The following ADIPOR2 variants were observed in gnomAD, a reference collection of about 807,000 sequenced individuals.
The protein encoded by ADIPOR2 is adiponectin receptor 2.
Under a neutral mutation model 40.9 loss-of-function variants are expected in ADIPOR2, and 18 were observed. That is an observed-to-expected ratio of 0.44 (90% CI 0.30 to 0.65). The LOEUF is 0.65. ADIPOR2 is among the 30% of genes least tolerant of loss of function. The probability of loss-of-function intolerance (pLI) is 0.09; values close to 1 mark genes in which losing one functional copy is unlikely to be tolerated. For synonymous variants in ADIPOR2, 165 were observed against 166.4 expected (o/e 0.99, Z 0.06); for missense variants, 283 against 479.2 (o/e 0.59, Z 3.82).
At chr12:1,704,785 A>G (rs2154441532) in intron 1 of ADIPOR2, among the ~76,000 whole-genome samples, 1 of 152,252 alleles carries the variant, frequency 6.6e-6, no homozygotes, top group South Asian at 2.1e-4. Flanking sequence ...TTAGTCTAAG[A>G]AGTGTTGCTG....
At chr12:1,782,334 A>G (rs1212352942) in intron 6 of ADIPOR2, among the ~76,000 whole-genome samples, 1 of 152,256 alleles carries the variant, frequency 6.6e-6, no homozygotes, top group Admixed American at 6.5e-5. Context: ...TAATGTCCAA[A>G]GCAAGTAATA....
intron 1 of ADIPOR2, among the ~76,000 whole-genome samples, chr12:1,748,512 T>C (rs986794131): frequency 1.3e-5 from 2 of 152,112 alleles, no homozygotes; most frequent in African/African-American, 4.8e-5. Context: ...CCTCCCAAAG[T>C]GCTGGGATTA....
At position 1,781,517 on chromosome 12, in the gene ADIPOR2, C is replaced by T. The variant is rs571405496; in HGVS notation, c.838+441C>T. ...GGATAATCTGCTTAAGGCTTCACCC[C>T]CATGCTGATTATGTTTTGTTAAAGT... On this transcript the variant is annotated intron_variant, in intron 6 of 7. Coordinates refer to ENST00000357103, the MANE Select transcript of ADIPOR2 (RefSeq NM_024551.3). Among the ~76,000 whole-genome samples, 153 of 152,016 alleles carry T rather than the reference C, an allele frequency of 1.0e-3. 1 individual carries two copies. Among genetic ancestry groups the T allele is most frequent in the African/African-American group, 3.5e-3 (147 of 41,472 alleles).
intron 1 of ADIPOR2, among the ~76,000 whole-genome samples, chr12:1,726,937 C>G (rs1418296241): frequency 1.3e-5 from 2 of 152,152 alleles, no homozygotes; most frequent in Non-Finnish European, 2.9e-5. Context: ...AAGGAAAAAC[C>G]CTGAGTCGTC....
At chr12:1,728,441 G>A (rs550287525) in intron 1 of ADIPOR2, among the ~76,000 whole-genome samples, 9 of 151,918 alleles carry the variant, frequency 5.9e-5, no homozygotes, top group South Asian at 2.1e-4. Context: ...ATGTTAACAC[G>A]GCTGGGCGCA....
chr12:1,695,465 C>T (rs1592565585), intron 1 of ADIPOR2, among the ~76,000 whole-genome samples: 1 of 151,430 alleles, frequency 6.6e-6, no homozygotes, highest in Non-Finnish European at 1.5e-5. Context: ...ACCAGCCTGG[C>T]CAACATGAAT....
chr12:1,760,481 C>T (rs1409108216), intron 2 of ADIPOR2, among the ~76,000 whole-genome samples: 2 of 152,148 alleles, frequency 1.3e-5, no homozygotes, highest in Non-Finnish European at 2.9e-5. Context: ...CCATCACTTC[C>T]CATCTCTACC....
rs1862823205 is a variant in ADIPOR2, at chr12:1,785,951, C to T, written c.1040C>T (p.Ser347Phe). 2 of 1,613,998 alleles carry T rather than the reference C, an allele frequency of 1.2e-6. No homozygotes were observed. Among genetic ancestry groups the T allele is most frequent in the Admixed American group, 1.7e-5 (1 of 59,998 alleles). ...TTCTTTTTTCCCCTCCAGTTTCACT[C>T]TCATCAGCTGTTTCATATCTTTGTG... ...FPGKCDIWFH[S>F]HQLFHIFVVA... Residue 347 changes from serine to phenylalanine, a missense_variant, in exon 8 of 8, where the codon TCT becomes TTT. Physicochemically the swap from Ser to Phe is radical, Grantham distance 155. This residue lies in a region of ADIPOR2 where 106 missense variants were observed against 149.7 expected (regional missense o/e 0.71). Transcript: ENST00000357103.
At position 1,782,960 on chromosome 12, in the gene ADIPOR2, T is replaced by TTTTC. The variant is rs1357821805; in HGVS notation, c.839-904_839-901dup. Among the ~76,000 whole-genome samples, 217 of 144,272 alleles carry TTTTC rather than the reference T, an allele frequency of 1.5e-3. 1 individual carries two copies. The highest frequency in any genetic ancestry group is 0.01 in the Admixed American group (143 of 14,152). 94.6% of individuals were successfully genotyped at this position (144,272 alleles called of 152,430 possible). The stretch of plus-strand genomic sequence containing the variant: ...TTTCTTCTTTTTTCTTTTCTTTTCT[T>TTTTC]TTTCTTTCTTTCTTTCTTTTTTTTT... On this transcript the variant is annotated intron_variant, in intron 6 of 7. Coordinates refer to ENST00000357103, the MANE Select transcript of ADIPOR2 (RefSeq NM_024551.3).
intron 4 of ADIPOR2, 52 bp from the exon 5 acceptor site, chr12:1,780,399 T>C: frequency 6.8e-7 from 1 of 1,469,654 alleles, no homozygotes; most frequent in East Asian, 2.4e-5. Context: ...GTTATAATAC[T>C]GTCTCTTCTA....
intron 2 of ADIPOR2, among the ~76,000 whole-genome samples, chr12:1,764,872 A>G (rs1862344877): frequency 6.6e-6 from 1 of 152,132 alleles, no homozygotes; most frequent in African/African-American, 2.4e-5. Flanking sequence ...ATAGCTGTAG[A>G]TTATTCATTT....
At chr12:1,766,394 TAGTA>T (rs1479991724) in intron 2 of ADIPOR2, among the ~76,000 whole-genome samples, 4 of 152,192 alleles carry the variant, frequency 2.6e-5, no homozygotes, top group African/African-American at 9.7e-5. Context: ...GAGGATGTGG[TAGTA>T]AGTAAGACAA....
In ADIPOR2 at chr12:1,756,998, CTTAGAAGATATATTGAGGAGTCAG is replaced by C. The variant is rs575969659; in HGVS notation, c.171+2486_171+2509del. On this transcript the variant is annotated intron_variant, in intron 2 of 7. Transcript: ENST00000357103. ...GAGATTCAAGATTCTTGTTAGATAT[CTTAGAAGATATATTGAGGAGTCAG>C]TAACTGTGTCACGATTAGATTTTTA... 5.3e-5 allele frequency among the ~76,000 whole-genome samples: 8 copies of C among 152,150 alleles called. No individual in the cohort carries two copies. The East Asian group carries it at 1.2e-3, about 22-fold the overall frequency.
intron 2 of ADIPOR2, among the ~76,000 whole-genome samples, chr12:1,772,153 T>C (rs1443938545): frequency 6.6e-6 from 1 of 152,230 alleles, no homozygotes; most frequent in Non-Finnish European, 1.5e-5. Flanking sequence ...CCATACCAGA[T>C]TGTCACTTCT....
chr12:1,710,060 A>C (rs2094673077), intron 1 of ADIPOR2, among the ~76,000 whole-genome samples: 1 of 152,194 alleles, frequency 6.6e-6, no homozygotes, highest in South Asian at 2.1e-4. Flanking sequence ...AAAATGCGCC[A>C]ATCAGCACTC....
At chr12:1,725,780 C>T (rs1357789518) in intron 1 of ADIPOR2, among the ~76,000 whole-genome samples, 3 of 151,914 alleles carry the variant, frequency 2.0e-5, no homozygotes, top group East Asian at 1.9e-4. Flanking sequence ...ATAAAGCCTA[C>T]GTTAATGCAT....
At chr12:1,781,245 A>T (rs1862713070) in intron 6 of ADIPOR2, among the ~76,000 whole-genome samples, 169 bp downstream of exon 6, 1 of 152,122 alleles carries the variant, frequency 6.6e-6, no homozygotes, top group Non-Finnish European at 1.5e-5. Context: ...TAGTCGTAGT[A>T]GTTGTTGTTG....
intron 1 of ADIPOR2, among the ~76,000 whole-genome samples, chr12:1,742,064 T>C (rs2094743978): frequency 6.6e-6 from 1 of 152,104 alleles, no homozygotes; most frequent in Non-Finnish European, 1.5e-5. Flanking sequence ...AGTCAGAGAA[T>C]TGTGAGAGCC....
Position 1,726,338 on chromosome 12 carries a change from C to A in ADIPOR2, c.-86-27920C>A, listed in dbSNP as rs181430140. 8.0e-3 allele frequency among the ~76,000 whole-genome samples: 1,212 copies of A among 152,232 alleles called. 26 individuals carry two copies. The highest frequency in any genetic ancestry group is 0.011 in the Admixed American group (174 of 15,286). ...TCACCCTCCTGAGTAGCTGGGATTA[C>A]AGGTGCATGCCACCACAGCCAGCTA... On this transcript the variant is annotated intron_variant, in intron 1 of 7. Transcript: ENST00000357103.
Sources: allele counts gnomAD v4.1 joint callset (sites outside exome capture counted in the v4.1 genomes callset), GRCh38; gene constraint gnomAD v4.1.1; regional missense constraint gnomAD v4.1.1; transcripts MANE v1.5; gene names NCBI Gene and HGNC (gene_info 2026-07-23, HGNC 2026-07-21).